Variants in RASEF observed in about 807,000 individuals in gnomAD.
RASEF encodes ras and EF-hand domain-containing protein.
In RASEF, 68 loss-of-function variants were observed where a neutral mutation model predicts 90.1. That is an observed-to-expected ratio of 0.75 (90% CI 0.62 to 0.92). The LOEUF (loss-of-function observed/expected upper bound fraction) is 0.92, where lower values mean the gene tolerates loss of function less well. Among genes scored for constraint, RASEF ranks in the 40% least tolerant of loss-of-function variants. The probability of loss-of-function intolerance (pLI) is 0.00; values close to 1 mark genes in which losing one functional copy is unlikely to be tolerated. For missense variants in RASEF, 949 were observed against 937.2 expected, an observed-to-expected ratio of 1.01 and a Z score of -0.16; for synonymous variants, 331 against 345.2, an observed-to-expected ratio of 0.96 and a Z score of 0.46.
intron 6 of RASEF, among the ~76,000 whole-genome samples, chr9:83,009,283 G>A (rs1166678879): frequency 2.0e-5 from 3 of 151,922 alleles, no homozygotes; most frequent in Non-Finnish European, 4.4e-5. Flanking sequence ...TAACACACAC[G>A]AAAATAGACT....
chr9:83,173,590 A>G, the RASEF span, among the ~76,000 whole-genome samples: 1 of 151,492 alleles, frequency 6.6e-6, no homozygotes, highest in East Asian at 1.9e-4. Flanking sequence ...TGATTTCCTT[A>G]TTATTGTTTC....
chr9:83,060,560 G>C (rs1437426058), intron 1 of RASEF, among the ~76,000 whole-genome samples: 1 of 152,160 alleles, frequency 6.6e-6, no homozygotes, highest in African/African-American at 2.4e-5. Flanking sequence ...AATGCTTATG[G>C]AATACATTTG....
the RASEF span, among the ~76,000 whole-genome samples, chr9:83,103,016 G>A: frequency 2.0e-5 from 3 of 152,126 alleles, no homozygotes; most frequent in African/African-American, 7.2e-5. Context: ...ACATCTACAC[G>A]GGCCACTTCC....
chr9:83,142,181 A>T, the RASEF span, among the ~76,000 whole-genome samples: 2 of 152,222 alleles, frequency 1.3e-5, no homozygotes, highest in East Asian at 3.8e-4. Context: ...AAAGAAAGCC[A>T]TACAAACAGA....
the RASEF span, among the ~76,000 whole-genome samples, chr9:83,128,676 C>T: frequency 6.6e-6 from 1 of 152,096 alleles, no homozygotes; most frequent in Non-Finnish European, 1.5e-5. Context: ...AGCATATCCT[C>T]ATTCTTCTTG....
intron 14 of RASEF, among the ~76,000 whole-genome samples, chr9:82,994,611 C>T (rs1202256604): frequency 1.3e-5 from 2 of 152,224 alleles, no homozygotes; most frequent in East Asian, 1.9e-4. Context: ...AGATATATCC[C>T]GAGAACCTAG....
chr9:83,191,816 C>T, the RASEF span, among the ~76,000 whole-genome samples: 5 of 152,076 alleles, frequency 3.3e-5, no homozygotes, highest in African/African-American at 4.8e-5. Context: ...GAGATATTAA[C>T]GTTAGGGAAA....
the RASEF span, among the ~76,000 whole-genome samples, chr9:83,204,484 G>A: frequency 1.3e-5 from 2 of 152,152 alleles, no homozygotes; most frequent in Non-Finnish European, 2.9e-5. Flanking sequence ...GATTTCTATT[G>A]CTAAACTCAT....
At chr9:83,190,020 G>T in the RASEF span, among the ~76,000 whole-genome samples, 4 of 152,062 alleles carry the variant, frequency 2.6e-5, no homozygotes, top group Admixed American at 6.6e-5. Context: ...CAAATGTTCT[G>T]CTCGCCCACT....
At chr9:83,113,641 C>T in the RASEF span, among the ~76,000 whole-genome samples, 20 of 152,174 alleles carry the variant, frequency 1.3e-4, 1 homozygote, top group Admixed American at 9.8e-4. Context: ...TATAGATGGC[C>T]GCGCTGGGAG....
chr9:83,194,478 T>C, the RASEF span, among the ~76,000 whole-genome samples: 4 of 152,184 alleles, frequency 2.6e-5, no homozygotes, highest in African/African-American at 9.6e-5. Flanking sequence ...TCACAGATGA[T>C]GTTAGCCTTG....
chr9:83,141,451 T>C, the RASEF span, among the ~76,000 whole-genome samples: 2 of 152,172 alleles, frequency 1.3e-5, no homozygotes, highest in Admixed American at 6.6e-5. Flanking sequence ...AGATCTAACA[T>C]ACATGAAAAG....
chr9:83,068,653 A>C, the RASEF span, among the ~76,000 whole-genome samples: 2 of 152,218 alleles, frequency 1.3e-5, no homozygotes, highest in Admixed American at 6.5e-5. Context: ...TAGCACTGTG[A>C]GATACTGAGC....
the RASEF span, among the ~76,000 whole-genome samples, chr9:83,099,637 T>C: frequency 6.6e-6 from 1 of 152,236 alleles, no homozygotes; most frequent in Non-Finnish European, 1.5e-5. Flanking sequence ...TATACATAAT[T>C]TGCCATGAGA....
the RASEF span, among the ~76,000 whole-genome samples, chr9:83,105,351 T>G: frequency 6.6e-6 from 1 of 152,256 alleles, no homozygotes; most frequent in Admixed American, 6.5e-5. Context: ...AATAAAAAGA[T>G]AGACAGCAGC....
rs536713254 is a variant in RASEF at position 82,999,863 on chromosome 9, C to T, written c.1723+306G>A. ...AAGTGATCTGCCTGGCTCGGCCTCC[C>T]AAAGTGCTGGGATTACAGGCATGAA... is the stretch of plus-strand genomic sequence containing the variant. On this transcript the variant is annotated intron_variant, in intron 12 of 16. Transcript: ENST00000376447. 3.3e-5 allele frequency among the ~76,000 whole-genome samples: 5 copies of T among 152,136 alleles called. No homozygotes were observed. The South Asian group carries it at 1.0e-3, about 32-fold the overall frequency.
the RASEF span, among the ~76,000 whole-genome samples, chr9:83,173,729 AT>A: frequency 4.6e-5 from 7 of 151,754 alleles, no homozygotes; most frequent in Non-Finnish European, 8.8e-5. Flanking sequence ...TCACTGCAGG[AT>A]TTGTTACTGG....
chr9:83,010,726 CT>C (rs1247685464), intron 5 of RASEF, among the ~76,000 whole-genome samples: 1 of 152,136 alleles, frequency 6.6e-6, no homozygotes, highest in African/African-American at 2.4e-5. Flanking sequence ...AAAGCTAAGG[CT>C]TCTCTCTGAA....
the RASEF span, among the ~76,000 whole-genome samples, chr9:83,137,304 C>A: frequency 1.3e-5 from 2 of 151,846 alleles, no homozygotes; most frequent in Non-Finnish European, 2.9e-5. Flanking sequence ...ATGGACTGAA[C>A]CTGATAGTAG....
Sources: allele counts gnomAD v4.1 joint callset (sites outside exome capture counted in the v4.1 genomes callset), GRCh38; gene constraint gnomAD v4.1.1; transcripts MANE v1.5; gene names NCBI Gene and HGNC (gene_info 2026-07-23, HGNC 2026-07-21).